Variants in SHC2 observed in about 807,000 individuals in gnomAD.
The protein encoded by SHC2 is SHC-transforming protein 2.
SHC2 carries 62 observed loss-of-function variants against 60.6 expected under a neutral mutation model. The ratio of observed to expected loss-of-function variants is 1.02; its 90% CI spans 0.83 to 1.26. SHC2 has a LOEUF of 1.26. Among genes scored for constraint, SHC2 ranks in the 50% most tolerant of loss-of-function variants. The pLI is 0.00. For missense variants in SHC2, 873 were observed against 822.2 expected (o/e 1.06, Z -0.76); for synonymous variants, 375 against 372.4 (o/e 1.01, Z -0.08).
In SHC2 at chr19:418,850, G is replaced by T. The variant is rs1460814976; in HGVS notation, c.*5+73C>A. On this transcript the variant is annotated intron_variant, in intron 12 of 12. Coordinates refer to ENST00000264554, the MANE Select transcript of SHC2 (RefSeq NM_012435.3). Reference sequence around the variant, plus strand: ...GGGAAAGGCACGGCACGTGAACCGGGTCTCAATTTTCAAATCAGAAAAGAA... The same window carrying T: ...GGGAAAGGCACGGCACGTGAACCGGTTCTCAATTTTCAAATCAGAAAAGAA... The T allele has an allele frequency of 1.3e-5, 19 of 1,498,606 alleles. No homozygotes were observed. In the Admixed American group the frequency reaches 3.6e-4, roughly 28 times the overall value. The allele number at this position is 1,498,606 out of a possible 1,614,324, so 92.8% of individuals were successfully genotyped here.
intron 9 of SHC2, among the ~76,000 whole-genome samples, chr19:429,936 C>T (rs1240349168): frequency 7.0e-6 from 1 of 143,438 alleles, no homozygotes; most frequent in Non-Finnish European, 1.5e-5. Flanking sequence ...AGTATCTACA[C>T]CCAACGTGCA....
rs1229225417 is a variant in SHC2 at position 445,224 on chromosome 19, G to A, written c.469-4292C>T. On this transcript the variant is annotated intron_variant, in intron 1 of 12. Coordinates refer to ENST00000264554, the MANE Select transcript of SHC2 (RefSeq NM_012435.3). The surrounding 1 kb of genome is among the most constrained non-coding windows in gnomAD (Gnocchi z 4.4). ...GTGGAAACCTATGCCCCACTGTGAGGGTATTTAAAGGTGGGCCTTTGGGAG... is the reference window on the plus strand; with the variant it reads ...GTGGAAACCTATGCCCCACTGTGAGAGTATTTAAAGGTGGGCCTTTGGGAG... 6.6e-6 allele frequency among the ~76,000 whole-genome samples: 1 copy of A among 152,190 alleles called. No homozygotes were observed. The highest frequency in any genetic ancestry group is 1.5e-5 in the Non-Finnish European group (1 of 68,042).
chr19:438,365 T>G lies in SHC2; in HGVS notation c.720+353A>C, dbSNP rs1974769551. Among the ~76,000 whole-genome samples the G allele has an allele frequency of 6.6e-6, 1 of 152,238 alleles. No homozygotes were observed. The highest frequency in any genetic ancestry group is 1.5e-5 in the Non-Finnish European group (1 of 68,032). ...TTGTTGTTTGTTTCCACTTGAGGAC[T>G]GATAGCCAGGGTTTATCCCCGCCCC... On this transcript the variant is annotated intron_variant, in intron 4 of 12. Coordinates refer to ENST00000264554, the MANE Select transcript of SHC2 (RefSeq NM_012435.3). This position sits in a 1 kb window ranked among gnomAD's most constrained non-coding sequence, Gnocchi z 5.0.
In SHC2 at chr19:438,267, C is replaced by T. The variant is rs1293223241; in HGVS notation, c.720+451G>A. Among the ~76,000 whole-genome samples, 2 of 152,372 alleles carry T rather than the reference C, an allele frequency of 1.3e-5. No individual in the cohort carries two copies. Among genetic ancestry groups the T allele is most frequent in the South Asian group, 2.1e-4 (1 of 4,830 alleles). Reference sequence around the variant, plus strand: ...GTGCTGGGGTTACAGGCGTGAGCCACTGAGCCCGGCCTCACAGTGCTGGGG... The same window carrying T: ...GTGCTGGGGTTACAGGCGTGAGCCATTGAGCCCGGCCTCACAGTGCTGGGG... On this transcript the variant is annotated intron_variant, in intron 4 of 12. Transcript: ENST00000264554. The surrounding 1 kb of genome is among the most constrained non-coding windows in gnomAD (Gnocchi z 5.0).
At chr19:458,975 C>A (rs1445824583) in intron 1 of SHC2, among the ~76,000 whole-genome samples, 1 of 152,074 alleles carries the variant, frequency 6.6e-6, no homozygotes. Context: ...TTGGTGGGCC[C>A]GGGCTTGAGG....
intron 9 of SHC2, among the ~76,000 whole-genome samples, chr19:426,877 G>C (rs1317030354): frequency 6.6e-6 from 1 of 152,126 alleles, no homozygotes. Flanking sequence ...GAGGGAGGAC[G>C]ACAGTGCGAG....
intron 10 of SHC2, among the ~76,000 whole-genome samples, chr19:423,155 C>G (rs576218687): frequency 7.2e-6 from 1 of 139,010 alleles, no homozygotes; most frequent in East Asian, 2.2e-4. Context: ...TCCCTGGTCT[C>G]CCGCCCCTCC....
intron 9 of SHC2, among the ~76,000 whole-genome samples, chr19:427,658 C>G (rs1451488498): frequency 5.4e-4 from 30 of 55,770 alleles, no homozygotes; most frequent in African/African-American, 1.4e-3. Flanking sequence ...GCACAGCACA[C>G]GGAAGGGGGC....
At position 453,884 on chromosome 19, in the gene SHC2, G is replaced by A. The variant is rs956078098; in HGVS notation, c.468+6645C>T. On this transcript the variant is annotated intron_variant, in intron 1 of 12. Transcript: ENST00000264554. The surrounding 1 kb of genome is among the most constrained non-coding windows in gnomAD (Gnocchi z 6.3). ...ACGAGGTGAGGTGCGTGAGGGCACC[G>A]CAGAGAGCAGGACGGCCTGACTCAC... Among the ~76,000 whole-genome samples, 8 of 152,198 alleles carry A rather than the reference G, an allele frequency of 5.3e-5. No homozygotes were observed. The highest frequency in any genetic ancestry group is 7.3e-5 in the Non-Finnish European group (5 of 68,030).
chr19:427,573 A>ACAGGGAAGGGGAATTGCGCACGGCG, intron 9 of SHC2, among the ~76,000 whole-genome samples: 1 of 135,228 alleles, frequency 7.4e-6, no homozygotes, highest in African/African-American at 2.9e-5. Flanking sequence ...TGCGCACGGC[A>ACAGGGAAGGGGAATTGCGCACGGCG]CAGGGAAGGG....
chr19:421,359 C>T (rs960169098), intron 11 of SHC2, among the ~76,000 whole-genome samples: 2 of 144,648 alleles, frequency 1.4e-5, no homozygotes, highest in Non-Finnish European at 3.0e-5. Context: ...GAGATTGCGC[C>T]ATTGCATTCC....
At chr19:426,117 G>A (rs920546377) in intron 9 of SHC2, among the ~76,000 whole-genome samples, 12 of 152,000 alleles carry the variant, frequency 7.9e-5, no homozygotes, top group African/African-American at 2.9e-4. Context: ...GAGCTGCCTG[G>A]ACCCCATGTG....
At chr19:421,984 C>G (rs1974281418) in intron 11 of SHC2, among the ~76,000 whole-genome samples, 162 bp downstream of exon 11, 1 of 149,426 alleles carries the variant, frequency 6.7e-6, no homozygotes, top group Admixed American at 6.7e-5. Context: ...TCTGGAAAAA[C>G]TTCATAAACA....
chr19:435,455 C>T lies in SHC2; in HGVS notation c.954-590G>A, dbSNP rs544965001. ...CAACGTGCATCAAGCACGCTGTCCC[C>T]GTGCACAAAGGGGTGAGTGTGAGCA... On this transcript the variant is annotated intron_variant, in intron 7 of 12. Transcript: ENST00000264554. Among the ~76,000 whole-genome samples, 6 of 152,376 alleles carry T rather than the reference C, an allele frequency of 3.9e-5. No individual in the cohort carries two copies. The East Asian group carries it at 7.7e-4, about 20-fold the overall frequency.
At chr19:434,267 CATGAGTGAGA>C (rs1974650609) in intron 8 of SHC2, among the ~76,000 whole-genome samples, 1 of 3,262 alleles carries the variant, frequency 3.1e-4, no homozygotes, top group Admixed American at 4.1e-3. Flanking sequence ...TGAGTGAGAT[CATGAGTGAGA>C]TCATGAGTGA....
Position 421,964 on chromosome 19 carries a change from T to A in SHC2, c.1620+182A>T, listed in dbSNP as rs533822201. Among the ~76,000 whole-genome samples, 14 of 152,132 alleles carry A rather than the reference T, an allele frequency of 9.2e-5. No individual in the cohort carries two copies. In the South Asian group the frequency reaches 2.9e-3, roughly 32 times the overall value. ...CTACAGTAGCTGGTCAAAGGCAACA[T>A]CTGGAACAATCTGGAAAAACTTCAT... On this transcript the variant is annotated intron_variant, in intron 11 of 12. Coordinates refer to ENST00000264554, the MANE Select transcript of SHC2 (RefSeq NM_012435.3).
At position 445,879 on chromosome 19, in the gene SHC2, CAAAAATAAAAAT is replaced by C. The variant is rs969217739; in HGVS notation, c.469-4959_469-4948del. Among the ~76,000 whole-genome samples the C allele has an allele frequency of 6.6e-6, 1 of 151,858 alleles. No homozygotes were observed. The highest frequency in any genetic ancestry group is 2.1e-4 in the South Asian group (1 of 4,798). ...AGAAACCCCAACTCTACTGAAAATA[CAAAAATAAAAAT>C]AAAAATAAAAAAATTAGCTGGGCGT... On this transcript the variant is annotated intron_variant, in intron 1 of 12. Transcript: ENST00000264554. The surrounding 1 kb of genome is among the most constrained non-coding windows in gnomAD (Gnocchi z 4.4).
rs1173157174 is a variant in SHC2 at position 430,735 on chromosome 19, A to G, written c.1123T>C (p.Ser375Pro). The change falls in exon 9 of 13, where the codon TCT (serine) becomes CCT (proline). Residue 375 changes from serine to proline, a missense_variant. Ser to Pro is a moderately conservative substitution (Grantham distance 74). Transcript: ENST00000264554. ...GGCAGGCTGCAGGCATCTCTTAGAG[A>G]AGGAGATGGGCCCTGGAAACAGAGC... Reference protein sequence around the residue: ...LTALDQGPSPSLRDACSLPWD... With the variant: ...LTALDQGPSPPLRDACSLPWD... 1.9e-6 allele frequency: 3 copies of G among 1,612,902 alleles called. No individual in the cohort carries two copies. The highest frequency in any genetic ancestry group is 1.1e-5 in the South Asian group (1 of 91,044).
chr19:428,096 A>C (rs1222549978), intron 9 of SHC2, among the ~76,000 whole-genome samples: 1 of 152,174 alleles, frequency 6.6e-6, no homozygotes, highest in Non-Finnish European at 1.5e-5. Flanking sequence ...GCAGTGACGC[A>C]CGCCTGTGGT....
Sources: gnomAD v4.1 joint callset for allele counts (sites outside exome capture counted in the v4.1 genomes callset) on GRCh38, gnomAD v4.1.1 for gene constraint, Gnocchi (gnomAD v3.1) non-coding constraint, MANE v1.5 for transcripts, NCBI Gene and HGNC (gene_info 2026-07-23, HGNC 2026-07-21) for gene names.